Variants in ZBBX observed in about 807,000 individuals in gnomAD.
ZBBX encodes zinc finger B-box domain-containing protein 1.
ZBBX carries 101 observed loss-of-function variants against 108.5 expected under a neutral mutation model. That is an observed-to-expected ratio of 0.93 (90% confidence interval 0.79 to 1.10). The LOEUF (loss-of-function observed/expected upper bound fraction) is 1.10. ZBBX is among the 50% of genes least tolerant of loss of function. ZBBX has a pLI of 0.00. For missense variants in ZBBX, 1,009 were observed against 941.4 expected, an observed-to-expected ratio of 1.07 and a Z score of -0.94; for synonymous variants, 356 against 323.4, an observed-to-expected ratio of 1.10 and a Z score of -1.08.
At chr3:167,343,243 T>C (rs1466713010) in intron 9 of ZBBX, among the ~76,000 whole-genome samples, 1 of 151,844 alleles carries the variant, frequency 6.6e-6, no homozygotes, top group Non-Finnish European at 1.5e-5. Flanking sequence ...CTTTCAAAAT[T>C]TCCTCAGCAT....
the ZBBX span, among the ~76,000 whole-genome samples, chr3:167,193,813 G>A: frequency 1.3e-5 from 2 of 152,060 alleles, no homozygotes; most frequent in African/African-American, 2.4e-5. Flanking sequence ...AATAAAATCT[G>A]GTCATTTGCA....
intron 11 of ZBBX, among the ~76,000 whole-genome samples, chr3:167,325,226 A>G (rs1485799671): frequency 6.6e-6 from 1 of 152,136 alleles, no homozygotes; most frequent in African/African-American, 2.4e-5. Context: ...CTGCTAATGA[A>G]GACATACCCG....
intron 19 of ZBBX, among the ~76,000 whole-genome samples, chr3:167,288,040 C>T (rs910295987): frequency 6.6e-6 from 1 of 152,098 alleles, no homozygotes; most frequent in Non-Finnish European, 1.5e-5. Context: ...TCCTCCTAAA[C>T]TGTGAGCTCA....
chr3:167,244,955 T>C (rs144986010), intron 20 of ZBBX, among the ~76,000 whole-genome samples: 2 of 152,094 alleles, frequency 1.3e-5, no homozygotes, highest in Non-Finnish European at 2.9e-5. Flanking sequence ...CATAAAACTA[T>C]ATTCCATAGA....
chr3:167,351,200 A>T (rs1321928184), intron 8 of ZBBX, among the ~76,000 whole-genome samples: 1 of 152,190 alleles, frequency 6.6e-6, no homozygotes, highest in Non-Finnish European at 1.5e-5. Context: ...CCAAATTATG[A>T]TGTTTAAAAA....
At chr3:167,209,283 G>C in the ZBBX span, among the ~76,000 whole-genome samples, 3 of 152,082 alleles carry the variant, frequency 2.0e-5, no homozygotes, top group Non-Finnish European at 4.4e-5. Context: ...TCTTGGGTGA[G>C]ATGCAGTGCT....
At chr3:167,294,525 C>A (rs1482932347) in intron 18 of ZBBX, among the ~76,000 whole-genome samples, 2 of 152,180 alleles carry the variant, frequency 1.3e-5, no homozygotes, top group Non-Finnish European at 2.9e-5. Flanking sequence ...CCCTTCCTTA[C>A]ACCTTATACA....
chr3:167,183,611 A>G, the ZBBX span, among the ~76,000 whole-genome samples: 1 of 152,258 alleles, frequency 6.6e-6, no homozygotes, highest in Non-Finnish European at 1.5e-5. Context: ...TTGTTCCTGT[A>G]GATTATAATT....
At chr3:167,359,820 T>C (rs762090544) in intron 8 of ZBBX, 50 bp downstream of exon 8, 7 of 920,192 alleles carry the variant, frequency 7.6e-6, no homozygotes, top group Middle Eastern at 2.5e-4. Context: ...TCTAACTGCT[T>C]AATATACCTA....
the ZBBX span, among the ~76,000 whole-genome samples, chr3:167,214,882 A>T: frequency 6.6e-6 from 1 of 152,184 alleles, no homozygotes; most frequent in Non-Finnish European, 1.5e-5. Context: ...CATTTTCCTG[A>T]ATGACTTTTG....
intron 8 of ZBBX, among the ~76,000 whole-genome samples, chr3:167,354,761 A>T (rs1743242463): frequency 6.6e-6 from 1 of 151,934 alleles, no homozygotes; most frequent in Non-Finnish European, 1.5e-5. Flanking sequence ...CACTGTTTTT[A>T]CACTATAATG....
rs190301467 is a variant in ZBBX at position 167,254,973 on chromosome 3, T to C, written c.2255-12330A>G. On this transcript the variant is annotated intron_variant, in intron 20 of 21. Coordinates refer to ENST00000675490, the MANE Select transcript of ZBBX (RefSeq NM_001199201.2). ...GAGGCTTCAGATTACTTCACAGCAT[T>C]CGGAGCCAGAAAATGGCAAATCATT... 2.6e-5 allele frequency among the ~76,000 whole-genome samples: 4 copies of C among 151,592 alleles called. No homozygotes were observed. In the East Asian group the frequency reaches 7.8e-4, roughly 29 times the overall value.
intron 20 of ZBBX, among the ~76,000 whole-genome samples, chr3:167,260,889 G>A (rs904364007): frequency 4.6e-5 from 7 of 152,178 alleles, no homozygotes; most frequent in Non-Finnish European, 8.8e-5. Context: ...GTTTTCTGGG[G>A]GGTGTTGAAG....
At chr3:167,254,448 AC>A (rs894092532) in intron 20 of ZBBX, among the ~76,000 whole-genome samples, 6 of 152,204 alleles carry the variant, frequency 3.9e-5, no homozygotes, top group African/African-American at 1.4e-4. Flanking sequence ...AAAAGTTACA[AC>A]ATCTTTAGAG....
At position 167,317,525 on chromosome 3, in the gene ZBBX, TG is replaced by T. The variant is rs1351190451; in HGVS notation, c.1055del (p.Ala352AspfsTer28). ...FPHPHETTGDAQCSQNENDED... is the reference protein window; with the variant it reads ...FPHPHETTGDXQCSQNENDED... ...CATCGTTTTCATTTTGAGAACACTG[TG>T]CATCACCAGTGGTTTCATGTGGATG... On this transcript the variant is annotated frameshift_variant, in exon 13 of 22. Coordinates refer to ENST00000675490, the MANE Select transcript of ZBBX (RefSeq NM_001199201.2). LOFTEE classifies it high-confidence loss of function. 4 of 1,611,322 alleles carry T rather than the reference TG, an allele frequency of 2.5e-6. No homozygotes were observed. The highest frequency in any genetic ancestry group is 3.4e-6 in the Non-Finnish European group (4 of 1,178,488).
intron 9 of ZBBX, among the ~76,000 whole-genome samples, chr3:167,349,022 G>T (rs897680735): frequency 1.3e-5 from 2 of 151,976 alleles, no homozygotes; most frequent in Non-Finnish European, 2.9e-5. Flanking sequence ...TTGAAATTAT[G>T]TGGGAGGGAG....
At chr3:167,196,049 C>T in the ZBBX span, among the ~76,000 whole-genome samples, 2 of 152,186 alleles carry the variant, frequency 1.3e-5, no homozygotes, top group Non-Finnish European at 2.9e-5. Context: ...ATTATGGCCA[C>T]TATACATTCT....
chr3:167,206,130 C>T, the ZBBX span, among the ~76,000 whole-genome samples: 1 of 151,854 alleles, frequency 6.6e-6, no homozygotes, highest in South Asian at 2.1e-4. Flanking sequence ...TTCCCTTTGA[C>T]CTACTTCTCA....
chr3:167,350,501 A>ACATTCAAG lies in ZBBX; in HGVS notation c.439_446dup (p.Gly150LeufsTer21), dbSNP rs1331368538. 5.0e-6 allele frequency: 8 copies of ACATTCAAG among 1,586,188 alleles called. No homozygotes were observed. The highest frequency in any genetic ancestry group is 2.7e-5 in the African/African-American group (2 of 74,584). ...AGCATCCTGAACAATAATCTTCTCC[A>ACATTCAAG]CATTCAAGGCATACCTAAAAAGATA... On this transcript the variant is annotated frameshift_variant, in exon 9 of 22. Coordinates refer to ENST00000675490, the MANE Select transcript of ZBBX (RefSeq NM_001199201.2). LOFTEE classifies it high-confidence loss of function.
Sources: gnomAD v4.1 joint callset for allele counts (sites outside exome capture counted in the v4.1 genomes callset) on GRCh38, gnomAD v4.1.1 for gene constraint, MANE v1.5 for transcripts, NCBI Gene and HGNC (gene_info 2026-07-23, HGNC 2026-07-21) for gene names.